The following ATP8A1 variants were observed in gnomAD, a reference collection of about 807,000 sequenced individuals.
ATP8A1 encodes the protein ATPase phospholipid transporting 8A1.
In ATP8A1, 90 loss-of-function variants were observed where a neutral mutation model predicts 177.7. That is an observed-to-expected ratio of 0.51 (90% CI 0.43 to 0.60). ATP8A1 has a LOEUF of 0.60. Ranked by LOEUF, ATP8A1 falls within the 20% of genes least tolerant of loss-of-function variation. ATP8A1 has a pLI of 0.00. For synonymous variants in ATP8A1, 493 were observed against 485.9 expected, an observed-to-expected ratio of 1.01 and a Z score of -0.19; for missense variants, 1,072 against 1,392.8, an observed-to-expected ratio of 0.77 and a Z score of 3.67.
At chr4:42,554,214 A>G (rs142577356) in intron 16 of ATP8A1, among the ~76,000 whole-genome samples, 2 of 152,318 alleles carry the variant, frequency 1.3e-5, no homozygotes, top group East Asian at 3.9e-4. Flanking sequence ...TACCACAGGA[A>G]TCCACAGAGT....
chr4:42,652,835 C>A (rs1442461738), intron 1 of ATP8A1, among the ~76,000 whole-genome samples: 5 of 152,176 alleles, frequency 3.3e-5, no homozygotes, highest in Admixed American at 3.3e-4. Context: ...GAAACTGAGT[C>A]CATTAAACCT....
At chr4:42,446,479 T>C in intron 31 of ATP8A1, 104 bp downstream of exon 31, 1 of 1,214,080 alleles carries the variant, frequency 8.2e-7, no homozygotes, top group South Asian at 1.5e-5. Flanking sequence ...TAAACAACCC[T>C]TAAATCCAGA....
intron 5 of ATP8A1, among the ~76,000 whole-genome samples, chr4:42,606,485 T>C (rs1169137165): frequency 6.6e-6 from 1 of 151,562 alleles, no homozygotes. Flanking sequence ...CATCAATCTC[T>C]ATATATGCTT....
At chr4:42,469,677 A>G (rs1000513242) in intron 25 of ATP8A1, among the ~76,000 whole-genome samples, 1 of 152,138 alleles carries the variant, frequency 6.6e-6, no homozygotes, top group African/African-American at 2.4e-5. Flanking sequence ...AGGAGAGGAG[A>G]GTTCACTTCA....
intron 15 of ATP8A1, among the ~76,000 whole-genome samples, chr4:42,560,613 T>C (rs1730717446): frequency 1.3e-5 from 2 of 151,800 alleles, no homozygotes; most frequent in Admixed American, 1.3e-4. Flanking sequence ...ACCACTAGAA[T>C]GGGAACTCAT....
chr4:42,529,418 C>T (rs1560425937), intron 20 of ATP8A1, among the ~76,000 whole-genome samples: 1 of 152,166 alleles, frequency 6.6e-6, no homozygotes, highest in African/African-American at 2.4e-5. Flanking sequence ...ACCTGAACTG[C>T]GTATCATGAA....
At chr4:42,604,929 T>C (rs1246981267) in intron 5 of ATP8A1, among the ~76,000 whole-genome samples, 1 of 152,194 alleles carries the variant, frequency 6.6e-6, no homozygotes, top group African/African-American at 2.4e-5. Flanking sequence ...AAGGGCCACG[T>C]ATTGTATGAT....
At chr4:42,438,759 T>C (rs1490440436) in intron 33 of ATP8A1, among the ~76,000 whole-genome samples, 1 of 152,186 alleles carries the variant, frequency 6.6e-6, no homozygotes, top group Non-Finnish European at 1.5e-5. Flanking sequence ...AAGAAGGTAC[T>C]GAATTCCTCA....
intron 6 of ATP8A1, among the ~76,000 whole-genome samples, chr4:42,595,646 A>G (rs946345475): frequency 9.9e-5 from 15 of 152,232 alleles, no homozygotes; most frequent in Non-Finnish European, 1.5e-5. Context: ...AATAAAATGT[A>G]AATTCTCTGA....
chr4:42,475,746 A>G (rs2153186627), intron 25 of ATP8A1, among the ~76,000 whole-genome samples: 1 of 152,276 alleles, frequency 6.6e-6, no homozygotes, highest in South Asian at 2.1e-4. Context: ...TTTAAAGATT[A>G]AAAAACCAGG....
chr4:42,594,250 C>T (rs754782348), intron 6 of ATP8A1: 2 of 1,209,302 alleles, frequency 1.7e-6, no homozygotes, highest in African/African-American at 1.5e-5. Flanking sequence ...GTAGAGAAAC[C>T]ATCCTCTACA....
At chr4:42,463,065 C>T (rs371696850) in intron 27 of ATP8A1, among the ~76,000 whole-genome samples, 3 of 152,062 alleles carry the variant, frequency 2.0e-5, no homozygotes, top group Non-Finnish European at 2.9e-5. Context: ...GGCTCATAGG[C>T]GGAAGGGACT....
In ATP8A1 at chr4:42,656,040, A is replaced by G. The variant is rs537115566; in HGVS notation, c.49+785T>C. On this transcript the variant is annotated intron_variant, in intron 1 of 36. Coordinates refer to ENST00000381668, the MANE Select transcript of ATP8A1 (RefSeq NM_006095.2). ...AAATAATATTTACAGAGTGCCTGCC[A>G]CATGGCAGGCAGGATGTTGAGGGCT... Among the ~76,000 whole-genome samples the G allele has an allele frequency of 1.7e-3, 263 of 152,316 alleles. 1 individual carries two copies. The highest frequency in any genetic ancestry group is 2.6e-3 in the Non-Finnish European group (174 of 68,012).
intron 10 of ATP8A1, among the ~76,000 whole-genome samples, chr4:42,581,267 G>A (rs1733024423): frequency 6.6e-6 from 1 of 152,090 alleles, no homozygotes; most frequent in Admixed American, 6.5e-5. Flanking sequence ...CCGAGTAGCT[G>A]GGATTACAGG....
Position 42,574,123 on chromosome 4 carries a change from ATCC to A in ATP8A1, c.1295+493_1295+495del, listed in dbSNP as rs1732176453. On this transcript the variant is annotated intron_variant, in intron 14 of 36. Transcript: ENST00000381668. ...ATAAAAGTTTCTGATGATATTAATT[ATCC>A]TCCAGATTCAAGAGTTTCATGTCTC... Among the ~76,000 whole-genome samples, 13 of 152,328 alleles carry A rather than the reference ATCC, an allele frequency of 8.5e-5. No individual in the cohort carries two copies. The South Asian group carries it at 2.5e-3, about 29-fold the overall frequency.
chr4:42,468,631 T>C lies in ATP8A1; in HGVS notation c.2325-3555A>G, dbSNP rs537804478. Among the ~76,000 whole-genome samples the C allele has an allele frequency of 8.7e-4, 133 of 152,110 alleles. 1 individual carries two copies. The highest frequency in any genetic ancestry group is 3.0e-3 in the African/African-American group (124 of 41,498). ...ATATGTGGGAGTTAAGCTGTGAGGA[T>C]GAAGAGGCATAAGAATGATACAATG... On this transcript the variant is annotated intron_variant, in intron 25 of 36. Coordinates refer to ENST00000381668, the MANE Select transcript of ATP8A1 (RefSeq NM_006095.2).
At chr4:42,426,090 G>A (rs1259625521) in intron 33 of ATP8A1, among the ~76,000 whole-genome samples, 1 of 152,174 alleles carries the variant, frequency 6.6e-6, no homozygotes, top group Admixed American at 6.5e-5. Flanking sequence ...AAATTTCTAT[G>A]TGAACTTTCA....
intron 1 of ATP8A1, among the ~76,000 whole-genome samples, chr4:42,640,613 G>A (rs534837956): frequency 1.3e-3 from 191 of 152,256 alleles, no homozygotes; most frequent in Non-Finnish European, 1.7e-3. Context: ...GAAGACACAC[G>A]ATTCCATGAT....
rs374708577 is a variant in ATP8A1 at position 42,485,651 on chromosome 4, G to T, written c.2169C>A (p.Leu723=). The part of the protein sequence containing the change: ...EGSLDGTRET[L]SRHCTTLGDA... Reference sequence around the variant, plus strand: ...CACCAAGGGTAGTACAGTGACGACTGAGAGTTTCCCTTGTTCCCTGGAATA... The same window carrying T: ...CACCAAGGGTAGTACAGTGACGACTTAGAGTTTCCCTTGTTCCCTGGAATA... Residue 723 remains leucine (L), a synonymous_variant, in exon 25 of 37, where the codon CTC becomes CTA. Coordinates refer to ENST00000381668, the MANE Select transcript of ATP8A1 (RefSeq NM_006095.2). 1 of 1,610,898 alleles carries T rather than the reference G, an allele frequency of 6.2e-7. No homozygotes were observed. The highest frequency in any genetic ancestry group is 1.3e-5 in the African/African-American group (1 of 74,784).
Sources: gnomAD v4.1 joint callset for allele counts (sites outside exome capture counted in the v4.1 genomes callset) on GRCh38, gnomAD v4.1.1 for gene constraint, MANE v1.5 for transcripts, NCBI Gene and HGNC (gene_info 2026-07-23, HGNC 2026-07-21) for gene names.